Variants in DAPK2 observed in about 807,000 individuals in gnomAD.
DAPK2 encodes the protein death-associated protein kinase 2.
DAPK2 carries 35 observed loss-of-function variants against 44.1 expected under a neutral mutation model. The ratio of observed to expected loss-of-function variants is 0.79; its 90% CI spans 0.61 to 1.05. DAPK2 has a LOEUF of 1.05. Among genes scored for constraint, DAPK2 ranks in the 50% least tolerant of loss-of-function variants. The pLI is 0.00. For synonymous variants in DAPK2, 174 were observed against 182.6 expected (o/e 0.95, Z 0.38); for missense variants, 453 against 483.2 (o/e 0.94, Z 0.59).
chr15:63,971,710 G>A (rs1282315563), intron 2 of DAPK2, 149 bp from the exon 4 acceptor site: 4 of 853,784 alleles, frequency 4.7e-6, no homozygotes, highest in Admixed American at 5.9e-5. Flanking sequence ...GGCTTTGTCT[G>A]TCCAGTGCCA....
At chr15:63,944,131 C>T (rs984455667) in intron 3 of DAPK2, among the ~76,000 whole-genome samples, 15 of 152,204 alleles carry the variant, frequency 9.9e-5, no homozygotes, top group African/African-American at 3.1e-4. Context: ...CCTGGCAGGG[C>T]GAACACCCAA....
intron 4 of DAPK2, among the ~76,000 whole-genome samples, chr15:63,931,578 G>C (rs77670345): frequency 0.039 from 5,984 of 152,256 alleles, 157 homozygotes; most frequent in South Asian, 0.11. Context: ...GGAGCAGGAG[G>C]ACATTCCTGG....
intron 1 of DAPK2, among the ~76,000 whole-genome samples, chr15:63,998,442 C>A (rs1385098821): frequency 6.6e-6 from 1 of 152,206 alleles, no homozygotes; most frequent in Non-Finnish European, 1.5e-5. Flanking sequence ...GGACTGTCTC[C>A]CTCAGGCTGC....
chr15:64,006,890 G>T (rs2079245027), intron 1 of DAPK2, among the ~76,000 whole-genome samples: 1 of 152,168 alleles, frequency 6.6e-6, no homozygotes, highest in African/African-American at 2.4e-5. Context: ...CAAGAAGGAA[G>T]TAGACATTAT....
chr15:63,941,675 G>A (rs200011233), intron 3 of DAPK2, among the ~76,000 whole-genome samples: 1 of 141,592 alleles, frequency 7.1e-6, no homozygotes, highest in Non-Finnish European at 1.6e-5. Context: ...CATTTTTTTT[G>A]CTTTTTTATT....
chr15:63,924,695 C>T (rs2079187098), intron 8 of DAPK2, 121 bp downstream of exon 9: 2 of 1,091,186 alleles, frequency 1.8e-6, no homozygotes, highest in African/African-American at 1.6e-5. Flanking sequence ...TTCATCTGTG[C>T]CCAGGGTCAG....
intron 3 of DAPK2, among the ~76,000 whole-genome samples, chr15:63,951,315 G>A (rs930386429): frequency 6.6e-6 from 1 of 152,146 alleles, no homozygotes; most frequent in Non-Finnish European, 1.5e-5. Context: ...AATCATGCAA[G>A]GGGGTGCGGT....
At chr15:63,975,596 T>C (rs1038706617) in intron 2 of DAPK2, among the ~76,000 whole-genome samples, 1 of 104,238 alleles carries the variant, frequency 9.6e-6, no homozygotes, top group Non-Finnish European at 1.9e-5. Flanking sequence ...AGATGATTCT[T>C]TTCTTTTCTT....
At chr15:63,991,285 C>T (rs540358282) in intron 1 of DAPK2, 32 of 456,164 alleles carry the variant, frequency 7.0e-5, no homozygotes, top group African/African-American at 5.2e-4. Context: ...GTGAGAAACA[C>T]GCAGGGAGCA....
At chr15:63,998,637 G>A (rs764821637) in intron 1 of DAPK2, among the ~76,000 whole-genome samples, 1 of 152,226 alleles carries the variant, frequency 6.6e-6, no homozygotes, top group Non-Finnish European at 1.5e-5. Context: ...TCCCCAGGAA[G>A]CCCAGGCAGG....
intron 3 of DAPK2, among the ~76,000 whole-genome samples, chr15:63,948,406 C>A (rs1379579926): frequency 6.6e-6 from 1 of 150,610 alleles, no homozygotes; most frequent in East Asian, 2.0e-4. Context: ...GAAGGGAAAG[C>A]AGGCACATCT....
Position 63,968,569 on chromosome 15 carries a change from A to G in DAPK2, c.453+2854T>C, listed in dbSNP as rs79975027. ...CCCACAACACTGTAACAAAAGTTCT[A>G]TTTCCTTTTCCTCTATTCTGAGAAG... On this transcript the variant is annotated intron_variant, in intron 3 of 10. Transcript: ENST00000261891. Among the ~76,000 whole-genome samples the G allele has an allele frequency of 3.4e-3, 514 of 152,316 alleles. 9 individuals carry two copies. The East Asian group carries it at 0.048, about 14-fold the overall frequency.
At chr15:64,018,732 C>T (rs2079603485) in intron 1 of DAPK2, among the ~76,000 whole-genome samples, 1 of 152,218 alleles carries the variant, frequency 6.6e-6, no homozygotes, top group East Asian at 1.9e-4. Flanking sequence ...CCTGGGGCTG[C>T]CTCTTACTCC....
At chr15:64,008,057 GT>G (rs1407931555) in intron 1 of DAPK2, among the ~76,000 whole-genome samples, 6 of 152,050 alleles carry the variant, frequency 3.9e-5, no homozygotes, top group Admixed American at 2.6e-4. Context: ...GGGTAAGGGG[GT>G]TTTTTGGTAA....
chr15:64,007,790 T>C (rs112994189), intron 1 of DAPK2, among the ~76,000 whole-genome samples: 15 of 152,310 alleles, frequency 9.8e-5, no homozygotes, highest in East Asian at 1.9e-4. Context: ...ATCTAGTGAA[T>C]AGATGAACAA....
intron 1 of DAPK2, among the ~76,000 whole-genome samples, chr15:64,006,279 A>T (rs2140994925): frequency 6.6e-6 from 1 of 152,256 alleles, no homozygotes; most frequent in South Asian, 2.1e-4. Context: ...CTGAGTTCTG[A>T]CACATGTAGC....
Position 63,922,497 on chromosome 15 carries a change from T to A in DAPK2, c.858+2319A>T, listed in dbSNP as rs1288019815. 3.8e-6 allele frequency: 5 copies of A among 1,315,142 alleles called. No homozygotes were observed. In the African/African-American group the frequency reaches 5.9e-5, roughly 16 times the overall value. The allele number at this position is 1,315,142 out of a possible 1,614,324, so 81.5% of individuals were successfully genotyped here. ...CCCTGAGGGGTACTCACTCTCTAATTGTTTTAACAGCTTGGCTGCCCTGCC... is the reference window on the plus strand; with the variant it reads ...CCCTGAGGGGTACTCACTCTCTAATAGTTTTAACAGCTTGGCTGCCCTGCC... On this transcript the variant is annotated intron_variant, in intron 8 of 10. Transcript: ENST00000261891.
chr15:64,006,343 C>T (rs1377257495), intron 1 of DAPK2, among the ~76,000 whole-genome samples: 1 of 152,158 alleles, frequency 6.6e-6, no homozygotes, highest in Admixed American at 6.5e-5. Context: ...CCTTTACCAT[C>T]AGAGGCCATA....
At chr15:63,968,539 T>C (rs934067827) in intron 3 of DAPK2, among the ~76,000 whole-genome samples, 3 of 152,242 alleles carry the variant, frequency 2.0e-5, no homozygotes, top group Non-Finnish European at 4.4e-5. Context: ...TCCTAGTCTA[T>C]GGGGCCCACA....
Sources: allele counts gnomAD v4.1 joint callset (sites outside exome capture counted in the v4.1 genomes callset), GRCh38; gene constraint gnomAD v4.1.1; transcripts MANE v1.5; gene names NCBI Gene and HGNC (gene_info 2026-07-23, HGNC 2026-07-21).